CEP152: variants seen among roughly 807,000 people sequenced by gnomAD.
CEP152 encodes the protein centrosomal protein 152, also known as centrosomal protein of 152 kDa.
In CEP152, 132 loss-of-function variants were observed where a neutral mutation model predicts 188.9. The ratio of observed to expected loss-of-function variants is 0.70; its 90% CI spans 0.61 to 0.81. The LOEUF is 0.81. CEP152 is among the 30% of genes least tolerant of loss of function. The pLI is 0.00. For missense variants in CEP152, 1,914 were observed against 1,969.8 expected (o/e 0.97, Z 0.54); for synonymous variants, 649 against 666.6 (o/e 0.97, Z 0.41).
At chr15:48,749,299 T>C (rs1008465190) in intron 21 of CEP152, among the ~76,000 whole-genome samples, 10 of 151,886 alleles carry the variant, frequency 6.6e-5, no homozygotes, top group African/African-American at 2.4e-4. Context: ...CTGGGATAAA[T>C]AGAGGGAGGA....
At chr15:48,784,526 C>T (rs1245409512) in intron 9 of CEP152, among the ~76,000 whole-genome samples, 1 of 151,950 alleles carries the variant, frequency 6.6e-6, no homozygotes, top group Non-Finnish European at 1.5e-5. Flanking sequence ...TATTTGTATC[C>T]CAAAACAGTA....
Position 48,738,062 on chromosome 15 carries a change from C to A in CEP152, c.*187G>T. The stretch of plus-strand genomic sequence containing the variant: ...ACACAAAAGCAGATTATACATACAC[C>A]ATCAGGCCTTTGGAATATTAAGGCA... On this transcript the variant is annotated 3_prime_UTR_variant, in exon 27 of 27. Transcript: ENST00000380950. 1.5e-6 allele frequency: 1 copy of A among 648,766 alleles called. No individual in the cohort carries two copies. The allele number at this position is 648,766 out of a possible 1,614,324, so 40.2% of individuals were successfully genotyped here.
rs183064255 is a variant in CEP152, at chr15:48,782,335, T to C, written c.1322-105A>G. On this transcript the variant is annotated intron_variant, in intron 10 of 26. Transcript: ENST00000380950. ...ACTGAGGCTACAGAAAGTAAAGTTC[T>C]GCTTTACTACTACTGTCTCTTTAGA... 396 of 924,842 alleles carry C rather than the reference T, an allele frequency of 4.3e-4. 1 individual carries two copies. Among genetic ancestry groups the C allele is most frequent in the Non-Finnish European group, 3.1e-4 (180 of 578,232 alleles). The allele number at this position is 924,842 out of a possible 1,614,324, so 57.3% of individuals were successfully genotyped here. A position where few individuals can be genotyped will look rare whatever the true frequency, so the allele number is the denominator to read the frequency against.
intron 8 of CEP152, chr15:48,789,320 A>G (rs1425231779): frequency 1.5e-5 from 6 of 405,966 alleles, no homozygotes; most frequent in Non-Finnish European, 4.6e-6. Context: ...TGATGGCCCC[A>G]GTGCTGTTTG....
chr15:48,806,551 C>T (rs191892331), intron 1 of CEP152, among the ~76,000 whole-genome samples: 1 of 152,288 alleles, frequency 6.6e-6, no homozygotes, highest in African/African-American at 2.4e-5. Flanking sequence ...GCCAATGAAA[C>T]GCACTTGGAT....
intron 17 of CEP152, among the ~76,000 whole-genome samples, chr15:48,763,577 G>A (rs748289104): frequency 6.6e-6 from 1 of 152,128 alleles, no homozygotes; most frequent in Non-Finnish European, 1.5e-5. Flanking sequence ...AGGAGGCTGA[G>A]GCAGGAGAAT....
At position 48,748,423 on chromosome 15, in the gene CEP152, G is replaced by A; in HGVS notation, c.3634+20C>T. The A allele has an allele frequency of 6.6e-7, 1 of 1,517,972 alleles. No individual in the cohort carries two copies. The highest frequency in any genetic ancestry group is 8.8e-7 in the Non-Finnish European group (1 of 1,138,144). 94.0% of individuals were successfully genotyped at this position (1,517,972 alleles called of 1,614,324 possible). On this transcript the variant is annotated intron_variant, in intron 22 of 26. Coordinates refer to ENST00000380950, the MANE Select transcript of CEP152 (RefSeq NM_001194998.2). ...ATCAAAGAAATTCATATTGGTAGCA[G>A]TGCTACTTTAAATGCTAACCTCCAA...
At chr15:48,797,211 G>A (rs1897350849) in intron 5 of CEP152, 90 bp downstream of exon 5, 1 of 1,417,170 alleles carries the variant, frequency 7.1e-7, no homozygotes, top group African/African-American at 1.4e-5. Flanking sequence ...TCTTACCATT[G>A]TACTCACATA....
chr15:48,750,509 A>C (rs531206926), intron 21 of CEP152, among the ~76,000 whole-genome samples: 1 of 152,304 alleles, frequency 6.6e-6, no homozygotes, highest in African/African-American at 2.4e-5. Context: ...TGAACATTAA[A>C]GGATTAATGA....
At chr15:48,743,884 G>C (rs935921219) in intron 24 of CEP152, among the ~76,000 whole-genome samples, 1 of 151,884 alleles carries the variant, frequency 6.6e-6, no homozygotes, top group Non-Finnish European at 1.5e-5. Flanking sequence ...GTTTATGGTA[G>C]GAAGTAATAG....
chr15:48,803,438 T>TA (rs1424021518), intron 2 of CEP152, among the ~76,000 whole-genome samples: 1 of 152,222 alleles, frequency 6.6e-6, no homozygotes, highest in East Asian at 1.9e-4. Flanking sequence ...CGAAGTTTGT[T>TA]ACTAAAATTT....
intron 2 of CEP152, among the ~76,000 whole-genome samples, 156 bp from the exon 3 acceptor site, chr15:48,798,207 A>C (rs1463398849): frequency 2.0e-5 from 3 of 151,896 alleles, no homozygotes; most frequent in Non-Finnish European, 4.4e-5. Context: ...AATTATATTC[A>C]TCATTTCACT....
chr15:48,776,459 A>G (rs1895912470), intron 12 of CEP152, among the ~76,000 whole-genome samples: 1 of 152,134 alleles, frequency 6.6e-6, no homozygotes, highest in East Asian at 1.9e-4. Context: ...AGTAATATGC[A>G]TCAAAGCCCT....
Position 48,781,172 on chromosome 15 carries a change from T to A in CEP152, c.1577+24A>T, listed in dbSNP as rs367875624. 61 of 1,608,296 alleles carry A rather than the reference T, an allele frequency of 3.8e-5. 1 individual carries two copies. In the African/African-American group the frequency reaches 5.6e-4, roughly 15 times the overall value. On this transcript the variant is annotated intron_variant, in intron 12 of 26. Transcript: ENST00000380950. ...ATTACTAATGTTGGTTCTTCTACAGTAAACTAAAATATTCTTTCCATACCT... is the reference window on the plus strand; with the variant it reads ...ATTACTAATGTTGGTTCTTCTACAGAAAACTAAAATATTCTTTCCATACCT...
Position 48,744,344 on chromosome 15 carries a change from C to T in CEP152, c.3732-1G>A. On this transcript the variant is annotated splice_acceptor_variant, in intron 23 of 26. Coordinates refer to ENST00000380950, the MANE Select transcript of CEP152 (RefSeq NM_001194998.2). LOFTEE classifies it high-confidence loss of function. ...TTCAATGGCCCCTGCTGACAATGACCTAAAAAACAAACCAAAGATTACAAA... is the reference window on the plus strand; with the variant it reads ...TTCAATGGCCCCTGCTGACAATGACTTAAAAAACAAACCAAAGATTACAAA... 6.2e-7 allele frequency: 1 copy of T among 1,613,868 alleles called. No individual in the cohort carries two copies. Among genetic ancestry groups the T allele is most frequent in the Non-Finnish European group, 8.5e-7 (1 of 1,179,916 alleles).
At position 48,765,636 on chromosome 15, in the gene CEP152, A is replaced by ATTTTTTTTTTTTTTTTTTTTT. The variant is rs34837739; in HGVS notation, c.2280+1403_2280+1423dup. 6.9e-5 allele frequency: 13 copies of ATTTTTTTTTTTTTTTTTTTTT among 189,472 alleles called. 1 individual carries two copies. The highest frequency in any genetic ancestry group is 3.2e-4 in the African/African-American group (5 of 15,720). 11.7% of individuals were successfully genotyped at this position (189,472 alleles called of 1,614,324 possible). ...GAAAATTCCTCTTATGTTCTTGCCAATTTTTTTTTTTTTTTTTTTTTTTTT... is the reference window on the plus strand; with the variant it reads ...GAAAATTCCTCTTATGTTCTTGCCAATTTTTTTTTTTTTTTTTTTTTTTTTTTTTTTTTTTTTTTTTTTTTT... On this transcript the variant is annotated intron_variant, in intron 17 of 26. Coordinates refer to ENST00000380950, the MANE Select transcript of CEP152 (RefSeq NM_001194998.2).
Position 48,739,111 on chromosome 15 carries a change from T to C in CEP152, c.4271A>G (p.Glu1424Gly). The C allele has an allele frequency of 6.2e-7, 1 of 1,614,238 alleles. No homozygotes were observed. Among genetic ancestry groups the C allele is most frequent in the Non-Finnish European group, 8.5e-7 (1 of 1,180,024 alleles). ...RAACNLQRLL[E>G]NSEHQSIKHV... Reference sequence around the variant, plus strand: ...CTTTATGCTCTGATGCTCTGAGTTCTCTAACAGCCTTTGTAAGTTACAAGC... The same window carrying C: ...CTTTATGCTCTGATGCTCTGAGTTCCCTAACAGCCTTTGTAAGTTACAAGC... The change falls in exon 27 of 27, where the codon GAG (glutamate) becomes GGG (glycine). Residue 1424 changes from glutamate to glycine, a missense_variant. Physicochemically the swap from Glu to Gly is moderately conservative, Grantham distance 98. Transcript: ENST00000380950.
chr15:48,732,929 T>TA (rs201539684), intron 2 of CEP152, among the ~76,000 whole-genome samples: 30 of 143,954 alleles, frequency 2.1e-4, no homozygotes, highest in Admixed American at 3.5e-4. Flanking sequence ...TACTTATAAT[T>TA]AAAAAAAAAA....
At chr15:48,797,903 T>G in intron 3 of CEP152, 45 bp downstream of exon 3, 1 of 1,533,402 alleles carries the variant, frequency 6.5e-7, no homozygotes. Context: ...AGAAAAAGAC[T>G]TATAGAATTG....
Sources: allele counts gnomAD v4.1 joint callset (sites outside exome capture counted in the v4.1 genomes callset), GRCh38; gene constraint gnomAD v4.1.1; transcripts MANE v1.5; gene names NCBI Gene and HGNC (gene_info 2026-07-23, HGNC 2026-07-21).